The following TENM4 variants were observed in gnomAD, a reference collection of about 807,000 sequenced individuals.
The protein encoded by TENM4 is teneurin transmembrane protein 4.
Under a neutral mutation model 243.3 loss-of-function variants are expected in TENM4, and 82 were observed. That is an observed-to-expected ratio of 0.34 (90% CI 0.28 to 0.40). TENM4 has a LOEUF of 0.40. Among genes scored for constraint, TENM4 ranks in the 10% least tolerant of loss-of-function variants. The probability of loss-of-function intolerance (pLI) is 1.00; values close to 1 mark genes in which losing one functional copy is unlikely to be tolerated. For synonymous variants in TENM4, 1,412 were observed against 1,456.3 expected (o/e 0.97, Z 0.69); for missense variants, 3,138 against 3,673.3 (o/e 0.85, Z 3.77).
Position 79,069,757 on chromosome 11 carries a change from ATGTCCT to A in TENM4, c.182_187del (p.Lys61_Asp62del). ...GAATTCCTCGGCCTCCTGCGGCACA[ATGTCCT>A]TGACGCGGCTGCCATAGGCTAGGCG... On this transcript the variant is annotated inframe_deletion, in exon 5 of 34. Coordinates refer to ENST00000278550, the MANE Select transcript of TENM4 (RefSeq NM_001098816.3). The A allele has an allele frequency of 6.4e-7, 1 of 1,551,162 alleles. No homozygotes were observed. The highest frequency in any genetic ancestry group is 8.7e-7 in the Non-Finnish European group (1 of 1,146,906).
intron 1 of TENM4, among the ~76,000 whole-genome samples, chr11:79,338,771 G>A (rs1673608405): frequency 6.6e-6 from 1 of 152,186 alleles, no homozygotes; most frequent in African/African-American, 2.4e-5. Flanking sequence ...GTCTTTGGCT[G>A]GACCTAGGTT....
chr11:79,046,601 A>G (rs181648655), intron 6 of TENM4, among the ~76,000 whole-genome samples: 3 of 152,334 alleles, frequency 2.0e-5, no homozygotes, highest in Admixed American at 2.0e-4. Context: ...TATTCTTATA[A>G]GACAGCAGCC....
intron 4 of TENM4, among the ~76,000 whole-genome samples, chr11:79,115,363 G>A (rs772000802): frequency 1.6e-4 from 25 of 152,036 alleles, no homozygotes; most frequent in Non-Finnish European, 3.2e-4. Flanking sequence ...ATCTCTTTTC[G>A]CCAACTCTCA....
intron 6 of TENM4, among the ~76,000 whole-genome samples, chr11:78,905,418 A>G (rs1228541663): frequency 6.6e-6 from 1 of 152,184 alleles, no homozygotes; most frequent in Non-Finnish European, 1.5e-5. Flanking sequence ...TTAGGGGTGG[A>G]AGGGAGAAAG....
intron 1 of TENM4, among the ~76,000 whole-genome samples, chr11:79,362,767 C>G (rs1000454039): frequency 3.2e-4 from 48 of 152,168 alleles, no homozygotes; most frequent in African/African-American, 1.1e-3. Flanking sequence ...TGTTCTTTCA[C>G]CAGTAAGAGA....
chr11:79,229,057 T>C (rs1259745609), intron 2 of TENM4, among the ~76,000 whole-genome samples: 2 of 152,228 alleles, frequency 1.3e-5, no homozygotes, highest in Admixed American at 6.5e-5. Context: ...AGTGTGAGTA[T>C]TGGAAAGGTT....
At chr11:79,144,636 G>A (rs1290505322) in intron 4 of TENM4, among the ~76,000 whole-genome samples, 1 of 152,000 alleles carries the variant, frequency 6.6e-6, no homozygotes, top group Non-Finnish European at 1.5e-5. Flanking sequence ...CAACAACATG[G>A]ATGGAACTGG....
intron 1 of TENM4, among the ~76,000 whole-genome samples, chr11:79,378,668 AAT>A (rs1240604685): frequency 6.6e-6 from 1 of 152,120 alleles, no homozygotes; most frequent in Non-Finnish European, 1.5e-5. Flanking sequence ...AGGCACAGGA[AAT>A]ATGTCTTAAC....
rs772170430 is a variant in TENM4 at position 79,069,772 on chromosome 11, C to T, written c.173G>A (p.Ser58Asn). The part of the protein sequence containing the change: ...YDQDARLAYG[S>N]RVKDIVPQEA... ...CTGCGGCACAATGTCCTTGACGCGG[C>T]TGCCATAGGCTAGGCGGGCGTCCTG... Residue 58 changes from serine to asparagine, a missense_variant, in exon 5 of 34, where the codon AGC (serine) becomes AAC (asparagine). Transcript: ENST00000278550. 7.1e-6 allele frequency: 11 copies of T among 1,551,152 alleles called. No individual in the cohort carries two copies. In the South Asian group the frequency reaches 1.3e-4, roughly 18 times the overall value.
chr11:78,877,532 A>T (rs1859298658), intron 9 of TENM4, among the ~76,000 whole-genome samples: 1 of 152,168 alleles, frequency 6.6e-6, no homozygotes, highest in Non-Finnish European at 1.5e-5. Context: ...AAAATCTATA[A>T]AATCAACTCC....
intron 3 of TENM4, among the ~76,000 whole-genome samples, chr11:79,188,138 C>T (rs572851140): frequency 1.7e-4 from 26 of 152,300 alleles, no homozygotes; most frequent in African/African-American, 4.1e-4. Flanking sequence ...GCTCTCTTCA[C>T]GAAGGGCTTC....
intron 12 of TENM4, among the ~76,000 whole-genome samples, chr11:78,824,439 C>T (rs1418481168): frequency 6.6e-6 from 1 of 152,000 alleles, no homozygotes; most frequent in Non-Finnish European, 1.5e-5. Flanking sequence ...TACACACTCC[C>T]TTTTCAGAAA....
chr11:79,376,622 C>CAAT (rs1555057369), intron 1 of TENM4, among the ~76,000 whole-genome samples: 1 of 145,826 alleles, frequency 6.9e-6, no homozygotes, highest in Non-Finnish European at 1.5e-5. Context: ...AATAACTTTT[C>CAAT]GATGAATGAA....
chr11:78,973,603 C>T (rs1197071133), intron 6 of TENM4, among the ~76,000 whole-genome samples: 2 of 151,950 alleles, frequency 1.3e-5, no homozygotes, highest in Admixed American at 6.6e-5. Flanking sequence ...AGGCAGTGTT[C>T]TAGGCATCAC....
At chr11:78,942,868 G>A (rs574120557) in intron 6 of TENM4, among the ~76,000 whole-genome samples, 12 of 151,458 alleles carry the variant, frequency 7.9e-5, no homozygotes, top group South Asian at 4.2e-4. Flanking sequence ...AATGCTCTGC[G>A]GTCACAAATT....
At chr11:79,106,524 A>G (rs183196017) in intron 4 of TENM4, among the ~76,000 whole-genome samples, 24 of 152,234 alleles carry the variant, frequency 1.6e-4, no homozygotes, top group Non-Finnish European at 3.1e-4. Flanking sequence ...GCATGTGAGG[A>G]AAGAGCTAAG....
chr11:78,899,559 C>CCG (rs375147197), intron 7 of TENM4, among the ~76,000 whole-genome samples: 1,865 of 29,540 alleles, frequency 0.063, 147 homozygotes, highest in African/African-American at 0.12. Context: ...TCTCAAAAAG[C>CCG]GGGGGGGGGG....
chr11:79,194,395 CAGA>C (rs1287343561), intron 3 of TENM4, among the ~76,000 whole-genome samples: 4 of 151,922 alleles, frequency 2.6e-5, no homozygotes, highest in African/African-American at 4.8e-5. Context: ...TTGAAGAGCT[CAGA>C]AGAAGATAGG....
chr11:79,137,796 G>A (rs1457982940), intron 4 of TENM4, among the ~76,000 whole-genome samples: 3 of 151,990 alleles, frequency 2.0e-5, no homozygotes, highest in African/African-American at 2.4e-5. Flanking sequence ...GGATTGGTGC[G>A]TCTCCAGTTG....
Sources: allele counts gnomAD v4.1 joint callset (sites outside exome capture counted in the v4.1 genomes callset), GRCh38; gene constraint gnomAD v4.1.1; transcripts MANE v1.5; gene names NCBI Gene and HGNC (gene_info 2026-07-23, HGNC 2026-07-21).